The following DGKD variants were observed in gnomAD, a reference collection of about 807,000 sequenced individuals.
DGKD encodes DAG kinase delta.
Under a neutral mutation model 154.4 loss-of-function variants are expected in DGKD, and 68 were observed. That is an observed-to-expected ratio of 0.44 (90% CI 0.36 to 0.54). DGKD has a LOEUF of 0.54. Among genes scored for constraint, DGKD ranks in the 20% least tolerant of loss-of-function variants. DGKD has a pLI of 0.00. For synonymous variants in DGKD, 693 were observed against 638.0 expected, an observed-to-expected ratio of 1.09 and a Z score of -1.30; for missense variants, 1,343 against 1,593.6, an observed-to-expected ratio of 0.84 and a Z score of 2.68.
chr2:233,457,637 T>C lies in DGKD; in HGVS notation c.2580+309T>C, dbSNP rs1033916069. 3.9e-6 allele frequency: 2 copies of C among 513,070 alleles called. No individual in the cohort carries two copies. The highest frequency in any genetic ancestry group is 3.8e-5 in the African/African-American group (2 of 52,250). The allele number at this position is 513,070 out of a possible 1,614,324, so 31.8% of individuals were successfully genotyped here. A position where few individuals can be genotyped will look rare whatever the true frequency, so the allele number is the denominator to read the frequency against. On this transcript the variant is annotated intron_variant, in intron 21 of 29. Transcript: ENST00000264057. The surrounding 1 kb of genome is among the most constrained non-coding windows in gnomAD (Gnocchi z 5.5). ...CAAGACCTGAAGGATGAGTTGGAGT[T>C]GGCTAAGTTAGGTGGGCAGAGGAGA...
chr2:233,390,761 T>G (rs1288161408), intron 3 of DGKD, among the ~76,000 whole-genome samples: 1 of 152,202 alleles, frequency 6.6e-6, no homozygotes, highest in African/African-American at 2.4e-5. Flanking sequence ...AGACGGAGTT[T>G]GGCTCTTGTT....
At position 233,440,822 on chromosome 2, in the gene DGKD, G is replaced by A. The variant is rs2062860713; in HGVS notation, c.1086-1065G>A. 6.6e-6 allele frequency among the ~76,000 whole-genome samples: 1 copy of A among 152,202 alleles called. No individual in the cohort carries two copies. Among genetic ancestry groups the A allele is most frequent in the Non-Finnish European group, 1.5e-5 (1 of 68,032 alleles). On this transcript the variant is annotated intron_variant, in intron 9 of 29. Coordinates refer to ENST00000264057, the MANE Select transcript of DGKD (RefSeq NM_152879.3). The surrounding 1 kb of genome is among the most constrained non-coding windows in gnomAD (Gnocchi z 4.9). ...CCTGGAACTCATGGGGAGCTTTCAG[G>A]AAGGGTGTCAAGGTGACTGAGGCTC...
In DGKD at chr2:233,438,841, C is replaced by T. The variant is rs1407750695; in HGVS notation, c.1085+462C>T. The stretch of plus-strand genomic sequence containing the variant: ...GTGGGTGTATTTTCCTGGCGTGCCT[C>T]GTTCTTTGTAACAGCTGCCTAACAT... On this transcript the variant is annotated intron_variant, in intron 9 of 29. Coordinates refer to ENST00000264057, the MANE Select transcript of DGKD (RefSeq NM_152879.3). This position sits in a 1 kb window ranked among gnomAD's most constrained non-coding sequence, Gnocchi z 4.1. Among the ~76,000 whole-genome samples the T allele has an allele frequency of 6.6e-6, 1 of 151,888 alleles. No individual in the cohort carries two copies. The highest frequency in any genetic ancestry group is 1.5e-5 in the Non-Finnish European group (1 of 68,024).
intron 3 of DGKD, chr2:233,429,356 T>C (rs1314015214): frequency 3.1e-6 from 3 of 981,132 alleles, no homozygotes; most frequent in Non-Finnish European, 3.6e-6. Context: ...TGTTCAAATA[T>C]TAAAACTCAC....
At chr2:233,364,226 CT>C (rs1283114908) in intron 1 of DGKD, among the ~76,000 whole-genome samples, 72 of 152,274 alleles carry the variant, frequency 4.7e-4, no homozygotes, top group African/African-American at 1.5e-3. Context: ...CAAAAATGTC[CT>C]TCAGAAAATA....
rs190377486 is a variant in DGKD at position 233,378,719 on chromosome 2, T to A, written c.157-9538T>A. Among the ~76,000 whole-genome samples the A allele has an allele frequency of 2.3e-3, 357 of 152,338 alleles. 2 individuals carry two copies. The highest frequency in any genetic ancestry group is 7.6e-3 in the African/African-American group (315 of 41,578). Reference sequence around the variant, plus strand: ...CTTTTTCTACCAGATTTTTAGTCTGTTCTCAATTTTTATAATTTCTTTAAA... The same window carrying A: ...CTTTTTCTACCAGATTTTTAGTCTGATCTCAATTTTTATAATTTCTTTAAA... On this transcript the variant is annotated intron_variant, in intron 1 of 29. Transcript: ENST00000264057.
In DGKD at chr2:233,444,478, C is replaced by T. The variant is rs180893527; in HGVS notation, c.1195-1145C>T. Among the ~76,000 whole-genome samples, 36 of 151,868 alleles carry T rather than the reference C, an allele frequency of 2.4e-4. No individual in the cohort carries two copies. The East Asian group carries it at 6.0e-3, about 25-fold the overall frequency. On this transcript the variant is annotated intron_variant, in intron 10 of 29. Coordinates refer to ENST00000264057, the MANE Select transcript of DGKD (RefSeq NM_152879.3). ...TCTGCCTGTCTGCCTCCTGTTTCCT[C>T]GCTGTCCTCCTCTTCACTGAGCTCT...
Position 233,392,709 on chromosome 2 carries a change from GA to G in DGKD, c.348+2227del, listed in dbSNP as rs547061741. On this transcript the variant is annotated intron_variant, in intron 3 of 29. Transcript: ENST00000264057. ...ATTTGTCAAGAAGACTTTTTAGGGA[GA>G]TAAGGCTGTAATAGAAATAAATCCT... 6.0e-4 allele frequency among the ~76,000 whole-genome samples: 91 copies of G among 152,294 alleles called. No homozygotes were observed. The South Asian group carries it at 0.01, about 17-fold the overall frequency.
intron 1 of DGKD, among the ~76,000 whole-genome samples, chr2:233,371,336 A>G (rs925959460): frequency 6.6e-6 from 1 of 152,166 alleles, no homozygotes; most frequent in Non-Finnish European, 1.5e-5. Context: ...GACCATTTGT[A>G]TATATTTTTT....
At chr2:233,394,052 G>C (rs1000763189) in intron 3 of DGKD, among the ~76,000 whole-genome samples, 1 of 152,128 alleles carries the variant, frequency 6.6e-6, no homozygotes, top group Non-Finnish European at 1.5e-5. Flanking sequence ...TTTATCGCTT[G>C]AGCTTCCATA....
chr2:233,433,833 G>A (rs2062607527), intron 3 of DGKD, among the ~76,000 whole-genome samples: 1 of 152,084 alleles, frequency 6.6e-6, no homozygotes, highest in African/African-American at 2.4e-5. Flanking sequence ...ATATATTATG[G>A]ATATCATTTT....
chr2:233,403,732 C>G (rs954730133), intron 3 of DGKD, among the ~76,000 whole-genome samples: 10 of 151,374 alleles, frequency 6.6e-5, no homozygotes, highest in Non-Finnish European at 1.3e-4. Flanking sequence ...CTCTGCCTCC[C>G]GGGTTCAAGC....
intron 6 of DGKD, 143 bp downstream of exon 6, chr2:233,436,067 A>G: frequency 9.5e-7 from 1 of 1,056,256 alleles, no homozygotes; most frequent in Non-Finnish European, 1.4e-6. Flanking sequence ...TGGAAATTAT[A>G]TGCGGTCTCC....
chr2:233,379,812 ATAT>A (rs1198765003), intron 1 of DGKD: 2 of 152,086 alleles, frequency 1.3e-5, no homozygotes, highest in Non-Finnish European at 2.9e-5. Context: ...TTTTATTTCT[ATAT>A]TATTATTTTA....
In DGKD at chr2:233,448,386, G is replaced by A. The variant is rs184471997; in HGVS notation, c.1614+11G>A. On this transcript the variant is annotated intron_variant, in intron 14 of 29. Transcript: ENST00000264057. ...GTCATGGCCAAGAAGGTCTGTTCCCGTGCCCTGGGTGGGAGGGGCATTGAG... is the reference window on the plus strand; with the variant it reads ...GTCATGGCCAAGAAGGTCTGTTCCCATGCCCTGGGTGGGAGGGGCATTGAG... 3.8e-4 allele frequency: 609 copies of A among 1,611,040 alleles called. 4 individuals carry two copies. The African/African-American group carries it at 5.2e-3, about 14-fold the overall frequency.
At chr2:233,415,428 A>G (rs941099876) in intron 3 of DGKD, among the ~76,000 whole-genome samples, 1 of 151,964 alleles carries the variant, frequency 6.6e-6, no homozygotes, top group Non-Finnish European at 1.5e-5. Flanking sequence ...CAGCTCCTTC[A>G]CCTCCATTGC....
At chr2:233,380,662 A>ATGTG (rs369040167) in intron 1 of DGKD, among the ~76,000 whole-genome samples, 20 of 150,508 alleles carry the variant, frequency 1.3e-4, no homozygotes, top group Admixed American at 6.0e-4. Flanking sequence ...AGCAGTGAGG[A>ATGTG]TGTGTGTGTG....
At chr2:233,460,162 C>A (rs771192187) in intron 23 of DGKD, 32 bp from the exon 24 acceptor site, 1 of 1,610,436 alleles carries the variant, frequency 6.2e-7, no homozygotes, top group Non-Finnish European at 8.5e-7. Flanking sequence ...TGCTTCAGAG[C>A]AGCAGGTGTA....
intron 3 of DGKD, among the ~76,000 whole-genome samples, chr2:233,424,662 G>A (rs1430031389): frequency 6.6e-6 from 1 of 152,194 alleles, no homozygotes; most frequent in African/African-American, 2.4e-5. Flanking sequence ...TGGAGGTCCA[G>A]GGCTCCGCCT....
Sources: allele counts gnomAD v4.1 joint callset (sites outside exome capture counted in the v4.1 genomes callset), GRCh38; gene constraint gnomAD v4.1.1; non-coding constraint Gnocchi (gnomAD v3.1); transcripts MANE v1.5; gene names NCBI Gene and HGNC (gene_info 2026-07-23, HGNC 2026-07-21).